The following P2RY14 variants were observed in gnomAD, a reference collection of about 807,000 sequenced individuals.
P2RY14 encodes purinergic receptor P2Y14, also known as P2Y purinoceptor 14.
A neutral mutation model predicts 0.9 loss-of-function variants in P2RY14; 2 were observed. The ratio of observed to expected loss-of-function variants is 2.16; its 90% confidence interval spans 0.88 to 6.79. The LOEUF is 6.79. Ranked by LOEUF, P2RY14 falls within the 30% of genes most tolerant of loss-of-function variation. The pLI, the probability that P2RY14 is intolerant of heterozygous loss-of-function variation, is 0.05. For missense variants in P2RY14, 378 were observed against 400.1 expected (o/e 0.94, Z 0.47); for synonymous variants, 158 against 147.2 (o/e 1.07, Z -0.53).
At chr3:151,242,647 T>TA (rs1259783976) in intron 1 of P2RY14, among the ~76,000 whole-genome samples, 1 of 151,974 alleles carries the variant, frequency 6.6e-6, no homozygotes, top group Non-Finnish European at 1.5e-5. Flanking sequence ...CAAAAGTAGA[T>TA]AAAACCACAA....
At position 151,235,210 on chromosome 3, in the gene P2RY14, G is replaced by A. The variant is rs891923597; in HGVS notation, c.-132-15568C>T. Among the ~76,000 whole-genome samples the A allele has an allele frequency of 9.7e-4, 148 of 152,278 alleles. 1 individual carries two copies. Among genetic ancestry groups the A allele is most frequent in the African/African-American group, 3.5e-3 (146 of 41,544 alleles). ...GAGCTTTTTGGTCATCTAATGCCTG[G>A]CAGAACTCTGAGCAGGTGCATGTTT... On this transcript the variant is annotated intron_variant, in intron 1 of 2. Coordinates refer to ENST00000309170, the MANE Select transcript of P2RY14 (RefSeq NM_014879.4).
chr3:151,251,329 A>AT (rs1188903406), intron 1 of P2RY14, among the ~76,000 whole-genome samples: 1 of 152,118 alleles, frequency 6.6e-6, no homozygotes, highest in Non-Finnish European at 1.5e-5. Context: ...GCTGTCAACA[A>AT]TTAAACACTC....
chr3:151,247,734 A>G (rs1444566314), intron 1 of P2RY14, among the ~76,000 whole-genome samples: 1 of 147,732 alleles, frequency 6.8e-6, no homozygotes, highest in Non-Finnish European at 1.5e-5. Flanking sequence ...CACAATGTGC[A>G]CATGTACCCT....
chr3:151,213,209 TATG>T lies in P2RY14; in HGVS notation c.*88_*90del. ...GGATGGCAGTGCTAGAGATGATATT[TATG>T]ATGAGGGCACATATCTTATTGATTT... On this transcript the variant is annotated 3_prime_UTR_variant, in exon 3 of 3. Coordinates refer to ENST00000309170, the MANE Select transcript of P2RY14 (RefSeq NM_014879.4). 1 of 979,590 alleles carries T rather than the reference TATG, an allele frequency of 1.0e-6. No individual in the cohort carries two copies. The highest frequency in any genetic ancestry group is 2.4e-5 in the East Asian group (1 of 41,162). 60.7% of individuals were successfully genotyped at this position (979,590 alleles called of 1,614,324 possible).
chr3:151,253,555 A>G (rs1370859304), intron 1 of P2RY14, among the ~76,000 whole-genome samples: 2 of 152,102 alleles, frequency 1.3e-5, no homozygotes, highest in Non-Finnish European at 2.9e-5. Flanking sequence ...CTCTCTCTGA[A>G]TTCCTATAGT....
chr3:151,213,719 G>T lies in P2RY14; in HGVS notation c.598C>A (p.Leu200Ile). The change falls in exon 3 of 3, where the codon CTT becomes ATT. Residue 200 changes from leucine to isoleucine, a missense_variant. Coordinates refer to ENST00000309170, the MANE Select transcript of P2RY14 (RefSeq NM_014879.4). ...IFVAIFWIVF[L>I]LLIVFYTAIT... ...GCAGTATAGAAAACGATTAACAAAAGAAACACAATCCAGAAGATGGCCACG... is the reference window on the plus strand; with the variant it reads ...GCAGTATAGAAAACGATTAACAAAATAAACACAATCCAGAAGATGGCCACG... The T allele has an allele frequency of 6.2e-7, 1 of 1,614,134 alleles. No homozygotes were observed. The highest frequency in any genetic ancestry group is 1.1e-5 in the South Asian group (1 of 91,076).
chr3:151,226,936 C>T (rs1377593763), intron 1 of P2RY14, among the ~76,000 whole-genome samples: 2 of 152,174 alleles, frequency 1.3e-5, no homozygotes, highest in African/African-American at 4.8e-5. Flanking sequence ...CAGGGAGAAA[C>T]CCAGATCTGC....
rs1168852998 is a variant in P2RY14, at chr3:151,213,315, G to A, written c.1002C>T (p.Ser334=). ...RIKRGNTTLE[S]TDTL Reference sequence around the variant, plus strand: ...GGGTAGGAACTCACAAAGTATCTGTGCTTTCAAGTGTTGTATTTCCTCTTT... The same window carrying A: ...GGGTAGGAACTCACAAAGTATCTGTACTTTCAAGTGTTGTATTTCCTCTTT... The change falls in exon 3 of 3, where the codon AGC becomes AGT. Residue 334 remains serine, a synonymous_variant. Coordinates refer to ENST00000309170, the MANE Select transcript of P2RY14 (RefSeq NM_014879.4). 1 of 1,608,628 alleles carries A rather than the reference G, an allele frequency of 6.2e-7. No homozygotes were observed. Among genetic ancestry groups the A allele is most frequent in the Non-Finnish European group, 8.5e-7 (1 of 1,177,912 alleles).
At chr3:151,271,960 C>T (rs961068201) in intron 1 of P2RY14, among the ~76,000 whole-genome samples, 2 of 152,164 alleles carry the variant, frequency 1.3e-5, no homozygotes, top group African/African-American at 4.8e-5. Context: ...GAACTCTACA[C>T]TTAAAATCTA....
At chr3:151,269,199 G>A (rs1740400270) in intron 1 of P2RY14, among the ~76,000 whole-genome samples, 1 of 152,154 alleles carries the variant, frequency 6.6e-6, no homozygotes, top group Admixed American at 6.5e-5. Flanking sequence ...TCGGGAGTTC[G>A]AGACCAGCCT....
chr3:151,269,590 C>T (rs1577188652), intron 1 of P2RY14: 1 of 316,920 alleles, frequency 3.2e-6, no homozygotes, highest in East Asian at 8.5e-5. Context: ...CAGCCATCCA[C>T]AAGTGTCTAC....
Position 151,213,438 on chromosome 3 carries a change from A to G in P2RY14, c.879T>C (p.Ile293=), listed in dbSNP as rs571558200. Residue 293 remains isoleucine, a synonymous_variant, in exon 3 of 3, where the codon ATT becomes ATC. Coordinates refer to ENST00000309170, the MANE Select transcript of P2RY14 (RefSeq NM_014879.4). ...LSAANVCLDP[I]IYFFLCQPFR... Reference sequence around the variant, plus strand: ...ACGGCTGGCATAGAAAGAAATAAATAATAGGGTCCAAGCATACATTTGCAG... The same window carrying G: ...ACGGCTGGCATAGAAAGAAATAAATGATAGGGTCCAAGCATACATTTGCAG... The G allele has an allele frequency of 1.2e-6, 2 of 1,614,212 alleles. No homozygotes were observed. Among genetic ancestry groups the G allele is most frequent in the African/African-American group, 2.7e-5 (2 of 75,066 alleles).
intron 1 of P2RY14, among the ~76,000 whole-genome samples, chr3:151,228,251 G>A (rs1035632120): frequency 6.6e-6 from 1 of 152,256 alleles, no homozygotes; most frequent in Non-Finnish European, 1.5e-5. Flanking sequence ...AGAATATTGC[G>A]ATAATTATTA....
At position 151,212,764 on chromosome 3, in the gene P2RY14, T is replaced by C. The variant is rs1727388475; in HGVS notation, c.*536A>G. 1 of 152,076 alleles carries C rather than the reference T, an allele frequency of 6.6e-6. No individual in the cohort carries two copies. Among genetic ancestry groups the C allele is most frequent in the South Asian group, 2.1e-4 (1 of 4,826 alleles). The allele number at this position is 152,076 out of a possible 1,614,324, so 9.4% of individuals were successfully genotyped here. A position where few individuals can be genotyped will look rare whatever the true frequency, so the allele number is the denominator to read the frequency against. ...ATACATCAATAAGGGGTTTCTTAAG[T>C]GATTGTCTGGGTGTCAGCTTTTCCT... On this transcript the variant is annotated 3_prime_UTR_variant, in exon 3 of 3. Transcript: ENST00000309170.
At chr3:151,276,666 T>C (rs535705824) in intron 1 of P2RY14, among the ~76,000 whole-genome samples, 1 of 152,332 alleles carries the variant, frequency 6.6e-6, no homozygotes, top group African/African-American at 2.4e-5. Flanking sequence ...AAGCACTTTA[T>C]AGAGTGAACG....
chr3:151,235,352 G>A (rs1462955573), intron 1 of P2RY14, among the ~76,000 whole-genome samples: 1 of 152,168 alleles, frequency 6.6e-6, no homozygotes, highest in African/African-American at 2.4e-5. Context: ...TAGCAGGAAT[G>A]TTCAGGTGAA....
intron 2 of P2RY14, among the ~76,000 whole-genome samples, chr3:151,218,686 A>T (rs1055780148): frequency 1.6e-4 from 24 of 151,692 alleles, no homozygotes; most frequent in African/African-American, 5.6e-4. Flanking sequence ...GGCCAACATG[A>T]TGAAACCCTG....
At chr3:151,236,368 A>G (rs6801292) in intron 1 of P2RY14, among the ~76,000 whole-genome samples, 11,230 of 152,266 alleles carry the variant, frequency 0.074, 1,370 homozygotes, top group African/African-American at 0.26. Flanking sequence ...TCTGGATCAC[A>G]GAATTAGAAT....
intron 1 of P2RY14, among the ~76,000 whole-genome samples, chr3:151,251,335 C>T (rs886854823): frequency 6.6e-6 from 1 of 152,134 alleles, no homozygotes; most frequent in African/African-American, 2.4e-5. Flanking sequence ...AACAATTAAA[C>T]ACTCTGTCTC....
Sources: allele counts gnomAD v4.1 joint callset (sites outside exome capture counted in the v4.1 genomes callset), GRCh38; gene constraint gnomAD v4.1.1; transcripts MANE v1.5; gene names NCBI Gene and HGNC (gene_info 2026-07-23, HGNC 2026-07-21).